ARHGAP42: variants seen among roughly 807,000 people sequenced by gnomAD.
ARHGAP42 encodes rho GTPase-activating protein 42.
Under a neutral mutation model 125.0 loss-of-function variants are expected in ARHGAP42, and 63 were observed. The observed-to-expected ratio is 0.50, with a 90% confidence interval of 0.41 to 0.62. The LOEUF (loss-of-function observed/expected upper bound fraction) is 0.62, where lower values mean the gene tolerates loss of function less well. Among genes scored for constraint, ARHGAP42 ranks in the 20% least tolerant of loss-of-function variants. The pLI, the probability that ARHGAP42 is intolerant of heterozygous loss-of-function variation, is 0.00. For synonymous variants in ARHGAP42, 339 were observed against 351.0 expected (o/e 0.97, Z 0.38); for missense variants, 766 against 1,024.2 (o/e 0.75, Z 3.44).
intron 7 of ARHGAP42, 24 bp downstream of exon 7, chr11:100,933,284 G>A: frequency 6.9e-7 from 1 of 1,453,336 alleles, no homozygotes; most frequent in Non-Finnish European, 9.3e-7. Flanking sequence ...TGTTCTTACT[G>A]TCTCTCAGCA....
intron 1 of ARHGAP42, among the ~76,000 whole-genome samples, chr11:100,748,512 G>C (rs1862360214): frequency 6.6e-6 from 1 of 152,228 alleles, no homozygotes; most frequent in African/African-American, 2.4e-5. Flanking sequence ...TTTTCTAACA[G>C]AATAGCCTTA....
At chr11:100,862,757 G>C (rs1398912554) in intron 4 of ARHGAP42, among the ~76,000 whole-genome samples, 1 of 152,140 alleles carries the variant, frequency 6.6e-6, no homozygotes, top group Non-Finnish European at 1.5e-5. Context: ...TCGGCTGGGT[G>C]TGGTGGCTCA....
intron 4 of ARHGAP42, among the ~76,000 whole-genome samples, chr11:100,903,889 G>A (rs1866645417): frequency 6.6e-6 from 1 of 151,510 alleles, no homozygotes; most frequent in Admixed American, 6.6e-5. Flanking sequence ...GATGTTCGAG[G>A]GCAGGAAGCA....
chr11:100,825,303 C>G (rs1864488245), intron 3 of ARHGAP42, among the ~76,000 whole-genome samples: 1 of 152,006 alleles, frequency 6.6e-6, no homozygotes, highest in Admixed American at 6.6e-5. Flanking sequence ...TTGGGTGTTA[C>G]TTCTGTAACA....
intron 1 of ARHGAP42, chr11:100,688,058 A>C: frequency 2.8e-6 from 1 of 363,622 alleles, no homozygotes; most frequent in Non-Finnish European, 4.9e-6. Flanking sequence ...GGGCACTGGA[A>C]TATATCCTGA....
chr11:100,734,570 C>T (rs549780906), intron 1 of ARHGAP42, among the ~76,000 whole-genome samples: 1 of 152,318 alleles, frequency 6.6e-6, no homozygotes, highest in East Asian at 1.9e-4. Flanking sequence ...CGTCAGACAC[C>T]ACGCCCAACC....
intron 3 of ARHGAP42, among the ~76,000 whole-genome samples, chr11:100,814,927 T>C (rs1864230430): frequency 6.6e-6 from 1 of 152,228 alleles, no homozygotes; most frequent in Non-Finnish European, 1.5e-5. Flanking sequence ...GTGTTTCTTC[T>C]TCCATTCGTC....
At chr11:100,853,048 T>C (rs960053681) in intron 3 of ARHGAP42, among the ~76,000 whole-genome samples, 1 of 152,164 alleles carries the variant, frequency 6.6e-6, no homozygotes, top group African/African-American at 2.4e-5. Context: ...TTAAATATCT[T>C]CCCTGTGTGA....
intron 1 of ARHGAP42, among the ~76,000 whole-genome samples, chr11:100,711,232 G>A (rs1218077146): frequency 1.3e-5 from 2 of 152,052 alleles, no homozygotes; most frequent in African/African-American, 4.8e-5. Flanking sequence ...CTTTTCCCTT[G>A]GCTTCTTGGG....
intron 3 of ARHGAP42, among the ~76,000 whole-genome samples, chr11:100,803,473 G>C (rs922767743): frequency 6.6e-6 from 1 of 152,136 alleles, no homozygotes; most frequent in African/African-American, 2.4e-5. Context: ...GATCAGATGT[G>C]GTAGAATCAA....
chr11:100,886,977 A>G (rs1350093152), intron 4 of ARHGAP42, among the ~76,000 whole-genome samples: 1 of 152,182 alleles, frequency 6.6e-6, no homozygotes, highest in Non-Finnish European at 1.5e-5. Flanking sequence ...GCATTTTGTC[A>G]TCCCTACCAT....
chr11:100,801,185 G>A (rs1863842672), intron 3 of ARHGAP42, among the ~76,000 whole-genome samples: 1 of 151,996 alleles, frequency 6.6e-6, no homozygotes, highest in South Asian at 2.1e-4. Flanking sequence ...ATGTATAGAT[G>A]GTGAGAGATT....
At chr11:100,702,523 A>T (rs1861413277) in intron 1 of ARHGAP42, among the ~76,000 whole-genome samples, 1 of 152,054 alleles carries the variant, frequency 6.6e-6, no homozygotes, top group Admixed American at 6.5e-5. Context: ...AAGTGGTATC[A>T]ATAGACTTGC....
At chr11:100,801,274 A>T (rs1009902546) in intron 3 of ARHGAP42, among the ~76,000 whole-genome samples, 6 of 152,196 alleles carry the variant, frequency 3.9e-5, no homozygotes, top group Non-Finnish European at 7.4e-5. Flanking sequence ...TTAGTGTACC[A>T]GGAAATTGTA....
intron 21 of ARHGAP42, among the ~76,000 whole-genome samples, chr11:100,978,483 T>G (rs1441471969): frequency 6.6e-6 from 1 of 152,188 alleles, no homozygotes; most frequent in Non-Finnish European, 1.5e-5. Context: ...AATCTACAGA[T>G]TTGTTTATTG....
At chr11:100,722,705 C>G (rs551712567) in intron 1 of ARHGAP42, among the ~76,000 whole-genome samples, 1 of 152,150 alleles carries the variant, frequency 6.6e-6, no homozygotes, top group South Asian at 2.1e-4. Flanking sequence ...GTGTATTTAA[C>G]GTTTACGTCA....
intron 1 of ARHGAP42, among the ~76,000 whole-genome samples, chr11:100,714,277 GTTA>G (rs969230854): frequency 2.0e-5 from 3 of 152,100 alleles, no homozygotes; most frequent in Non-Finnish European, 4.4e-5. Flanking sequence ...ATGTGAAAAG[GTTA>G]TTGTTAATGA....
chr11:100,735,772 C>T (rs537141993), intron 1 of ARHGAP42, among the ~76,000 whole-genome samples: 2 of 152,024 alleles, frequency 1.3e-5, no homozygotes, highest in South Asian at 4.2e-4. Context: ...CCACGCCCAG[C>T]TAATTTTTTG....
intron 4 of ARHGAP42, among the ~76,000 whole-genome samples, chr11:100,861,245 G>T (rs892672128): frequency 2.0e-5 from 3 of 152,090 alleles, no homozygotes; most frequent in Non-Finnish European, 4.4e-5. Context: ...ATGAATGAAG[G>T]TTTTCTTGGT....
Sources: allele counts gnomAD v4.1 joint callset (sites outside exome capture counted in the v4.1 genomes callset), GRCh38; gene constraint gnomAD v4.1.1; transcripts MANE v1.5; gene names NCBI Gene and HGNC (gene_info 2026-07-23, HGNC 2026-07-21).